The following MICAL2 variants were observed in gnomAD, a reference collection of about 807,000 sequenced individuals.
The protein encoded by MICAL2 is microtubule associated monooxygenase, calponin and LIM domain containing 2.
MICAL2 carries 77 observed loss-of-function variants against 127.3 expected under a neutral mutation model. The ratio of observed to expected loss-of-function variants is 0.60; its 90% CI spans 0.50 to 0.73. The LOEUF is 0.73. Among genes scored for constraint, MICAL2 ranks in the 30% least tolerant of loss-of-function variants. MICAL2 has a pLI of 0.00. For missense variants in MICAL2, 1,351 were observed against 1,434.4 expected (o/e 0.94, Z 0.94); for synonymous variants, 570 against 551.1 (o/e 1.03, Z -0.48).
At chr11:12,292,150 G>A (rs955919633), downstream of MICAL2, 4 of 1,613,290 alleles carry the variant, frequency 2.5e-6, no homozygotes, top group East Asian at 2.2e-5. Flanking sequence ...TAGGTTTGAC[G>A]CCAGTGAACA....
intron 22 of MICAL2, chr11:12,255,033 C>T (rs570824538): frequency 1.3e-5 from 2 of 152,112 alleles, no homozygotes; most frequent in African/African-American, 4.8e-5. Context: ...ATTCTCCAGC[C>T]TCAGCCTCCC....
intron 2 of MICAL2, among the ~76,000 whole-genome samples, chr11:12,284,036 C>G (rs1225124682): frequency 6.6e-6 from 1 of 152,184 alleles, no homozygotes; most frequent in African/African-American, 2.4e-5. Flanking sequence ...CCATGTTCTA[C>G]ACTTTGGGAG....
At chr11:12,349,980 G>A (rs745954173) in intron 33 of MICAL2, 1 of 1,537,992 alleles carries the variant, frequency 6.5e-7, no homozygotes, top group Non-Finnish European at 9.0e-7. Flanking sequence ...TAAAAGCAAA[G>A]GGGCAAAGGG....
intron 20 of MICAL2, 53 bp from the exon 21 acceptor site, chr11:12,243,934 C>T: frequency 1.9e-6 from 3 of 1,602,724 alleles, no homozygotes; most frequent in Non-Finnish European, 2.6e-6. Context: ...GCATGTATCA[C>T]CATGTGTGAC....
intron 3 of MICAL2, among the ~76,000 whole-genome samples, chr11:12,203,823 C>T (rs188116097): frequency 6.6e-6 from 1 of 152,254 alleles, no homozygotes; most frequent in East Asian, 1.9e-4. Context: ...ATCTAAGACA[C>T]TATTACCTAA....
chr11:12,120,047 T>A (rs1850378411), intron 1 of MICAL2, among the ~76,000 whole-genome samples: 1 of 152,154 alleles, frequency 6.6e-6, no homozygotes, highest in African/African-American at 2.4e-5. Flanking sequence ...AGCCTCATCC[T>A]CCCTTTCTAA....
chr11:12,331,838 T>C (rs1776273912), intron 32 of MICAL2, among the ~76,000 whole-genome samples: 1 of 152,174 alleles, frequency 6.6e-6, no homozygotes, highest in Non-Finnish European at 1.5e-5. Context: ...CCAAAAATAT[T>C]CCTTCTCTTT....
rs1159700222 is a variant in MICAL2 at position 12,244,104 on chromosome 11, G to A, written c.2776G>A (p.Ala926Thr). ...ATCAACTGTTGACTCTGCTTCTCCT[G>A]CCAGAAAGGTAGTTGTCCTGAACAA... ...SPSTVDSASP[A>T]RKEKKSPSGF... The change falls in exon 21 of 28, where the codon GCC (alanine) becomes ACC (threonine). Residue 926 changes from alanine (A) to threonine (T), a missense_variant. Physicochemically the swap from Ala to Thr is moderately conservative, Grantham distance 58 (BLOSUM62 0). Coordinates refer to ENST00000683283, the MANE Select transcript of MICAL2 (RefSeq NM_001282663.2). 8.1e-6 allele frequency: 13 copies of A among 1,614,158 alleles called. No individual in the cohort carries two copies. Among genetic ancestry groups the A allele is most frequent in the South Asian group, 2.2e-5 (2 of 91,078 alleles).
Position 12,185,607 on chromosome 11 carries a change from G to A in MICAL2, c.265-18643G>A, listed in dbSNP as rs557833783. ...TTACCATTTCATGGATGAGCAGACT[G>A]TGGCTGGAGGAGACCAGGTACCTAA... On this transcript the variant is annotated intron_variant, in intron 3 of 27. Coordinates refer to ENST00000683283, the MANE Select transcript of MICAL2 (RefSeq NM_001282663.2). Among the ~76,000 whole-genome samples the A allele has an allele frequency of 1.5e-4, 23 of 152,274 alleles. No individual in the cohort carries two copies. The South Asian group carries it at 2.1e-3, about 14-fold the overall frequency.
intron 32 of MICAL2, among the ~76,000 whole-genome samples, chr11:12,337,890 G>C (rs1037222476): frequency 6.6e-6 from 1 of 152,108 alleles, no homozygotes; most frequent in African/African-American, 2.4e-5. Flanking sequence ...GGTCAGTTTT[G>C]GAATAGGTGT....
intron 9 of MICAL2, among the ~76,000 whole-genome samples, chr11:12,221,386 TG>T (rs1438373393): frequency 2.6e-5 from 4 of 152,228 alleles, no homozygotes; most frequent in Non-Finnish European, 5.9e-5. Flanking sequence ...TCTCCCAGGA[TG>T]GGAATTCGTC....
At chr11:12,221,565 C>A in intron 9 of MICAL2, 79 bp from the exon 10 acceptor site, 1 of 991,434 alleles carries the variant, frequency 1.0e-6, no homozygotes, top group Non-Finnish European at 1.6e-6. Context: ...TCCTGGCAAT[C>A]AGTGTGTGCT....
At chr11:12,222,782 A>G in intron 11 of MICAL2, 39 bp downstream of exon 11, 1 of 1,612,384 alleles carries the variant, frequency 6.2e-7, no homozygotes, top group East Asian at 2.2e-5. Context: ...ATCACTCTGC[A>G]CTGAACAGTG....
At chr11:12,183,333 G>A (rs939858970) in intron 3 of MICAL2, among the ~76,000 whole-genome samples, 7 of 152,100 alleles carry the variant, frequency 4.6e-5, no homozygotes, top group African/African-American at 9.7e-5. Flanking sequence ...CACGTTTGGC[G>A]TGCCCAGCTG....
chr11:12,229,360 C>T (rs1011345726), intron 15 of MICAL2, among the ~76,000 whole-genome samples: 1 of 152,228 alleles, frequency 6.6e-6, no homozygotes, highest in African/African-American at 2.4e-5. Flanking sequence ...GCCGGCCCAA[C>T]CTAGAGGCTC....
At chr11:12,265,984 T>C (rs2641932), downstream of MICAL2, among the ~76,000 whole-genome samples, 150,476 of 152,144 alleles carry the variant, frequency 0.99, 74,436 homozygotes, top group Middle Eastern at 1. Context: ...CGGTGGCACA[T>C]GCCTTTAATT....
chr11:12,360,927 T>G (rs1289092781), downstream of MICAL2, among the ~76,000 whole-genome samples: 2 of 151,858 alleles, frequency 1.3e-5, no homozygotes, highest in African/African-American at 4.9e-5. Flanking sequence ...TCTGTTGAAC[T>G]ATCTAAAATG....
chr11:12,313,961 ATTTT>A (rs60681621), intron 29 of MICAL2, among the ~76,000 whole-genome samples: 97 of 43,784 alleles, frequency 2.2e-3, no homozygotes, highest in East Asian at 0.016. Flanking sequence ...TCTTGGTCTG[ATTTT>A]TTTTTTTTTT....
intron 29 of MICAL2, among the ~76,000 whole-genome samples, chr11:12,307,008 A>G (rs76186896): frequency 6.6e-6 from 1 of 152,198 alleles, no homozygotes; most frequent in Admixed American, 6.5e-5. Context: ...TGGCAAGTGC[A>G]TGTTGAGTTT....
Sources: allele counts gnomAD v4.1 joint callset (sites outside exome capture counted in the v4.1 genomes callset), GRCh38; gene constraint gnomAD v4.1.1; transcripts MANE v1.5; gene names NCBI Gene and HGNC (gene_info 2026-07-23, HGNC 2026-07-21).